Variants in XPR1 observed in about 807,000 individuals in gnomAD.
The protein encoded by XPR1 is xenotropic and polytropic retrovirus receptor 1, also known as solute carrier family 53 member 1.
A neutral mutation model predicts 87.5 loss-of-function variants in XPR1; 28 were observed. The observed-to-expected ratio is 0.32, with a 90% confidence interval of 0.24 to 0.44. The LOEUF is 0.44. XPR1 is among the 20% of genes least tolerant of loss of function. The pLI is 1.00. For missense variants in XPR1, 559 were observed against 862.3 expected, an observed-to-expected ratio of 0.65 and a Z score of 4.41; for synonymous variants, 300 against 306.1, an observed-to-expected ratio of 0.98 and a Z score of 0.21.
chr1:180,730,704 C>A (rs1658528117), intron 2 of XPR1, among the ~76,000 whole-genome samples: 1 of 152,128 alleles, frequency 6.6e-6, no homozygotes, highest in Non-Finnish European at 1.5e-5. Context: ...CACTCCGTTG[C>A]TTAGGCTGGA....
chr1:180,648,800 G>A (rs946043967), intron 1 of XPR1, among the ~76,000 whole-genome samples: 2 of 152,068 alleles, frequency 1.3e-5, no homozygotes, highest in South Asian at 2.1e-4. Flanking sequence ...AAGCCACTGC[G>A]CCCAGCCAGA....
At chr1:180,769,366 T>A (rs1032153197) in intron 2 of XPR1, among the ~76,000 whole-genome samples, 1 of 150,978 alleles carries the variant, frequency 6.6e-6, no homozygotes, top group Non-Finnish European at 1.5e-5. Flanking sequence ...ATTTCTGTTT[T>A]TTTGTGTTTT....
intron 1 of XPR1, among the ~76,000 whole-genome samples, chr1:180,652,525 T>C (rs181995488): frequency 6.6e-6 from 1 of 152,382 alleles, no homozygotes; most frequent in East Asian, 1.9e-4. Flanking sequence ...CCATGTGACT[T>C]TCCAAGAGCA....
chr1:180,636,402 C>G (rs1654759788), intron 1 of XPR1, among the ~76,000 whole-genome samples: 1 of 152,154 alleles, frequency 6.6e-6, no homozygotes, highest in African/African-American at 2.4e-5. Flanking sequence ...TTGGCATTTA[C>G]AAATGTTTCT....
chr1:180,659,381 GTCCTTCCTTCCTTCCTTCCT>G (rs1169616821), intron 1 of XPR1, among the ~76,000 whole-genome samples: 1,868 of 55,382 alleles, frequency 0.034, 83 homozygotes, highest in African/African-American at 0.1. Flanking sequence ...CCGTCCTTCC[GTCCTTCCTTCCTTCCTTCCT>G]TCCTTCCTTC....
chr1:180,734,891 A>G (rs1658678923), intron 2 of XPR1, among the ~76,000 whole-genome samples: 1 of 152,220 alleles, frequency 6.6e-6, no homozygotes, highest in Non-Finnish European at 1.5e-5. Flanking sequence ...AAAAGGGACC[A>G]TTGCCTTAGC....
chr1:180,836,387 A>G (rs1436211887), intron 10 of XPR1, 135 bp from the exon 11 acceptor site: 2 of 898,292 alleles, frequency 2.2e-6, no homozygotes, highest in Middle Eastern at 3.2e-4. Context: ...TGAGAATATA[A>G]TAGTTGCAAA....
intron 2 of XPR1, among the ~76,000 whole-genome samples, chr1:180,710,789 C>A (rs963227973): frequency 3.7e-5 from 5 of 136,520 alleles, no homozygotes; most frequent in Non-Finnish European, 7.8e-5. Context: ...GGCAGAGGCG[C>A]CCCCCCACCT....
chr1:180,726,359 T>C (rs1316241726), intron 2 of XPR1, among the ~76,000 whole-genome samples: 2 of 152,166 alleles, frequency 1.3e-5, no homozygotes, highest in Admixed American at 6.5e-5. Context: ...GTTCTTTCTC[T>C]CTTCACAATA....
At chr1:180,813,145 T>G (rs1411413051) in intron 7 of XPR1, among the ~76,000 whole-genome samples, 10 of 151,498 alleles carry the variant, frequency 6.6e-5, no homozygotes, top group Admixed American at 5.9e-4. Context: ...CTGCAAGAAC[T>G]TACAGGATCT....
Position 180,655,823 on chromosome 1 carries a change from T to G in XPR1, c.69+23553T>G, listed in dbSNP as rs1655442402. On this transcript the variant is annotated intron_variant, in intron 1 of 14. Coordinates refer to ENST00000367590, the MANE Select transcript of XPR1 (RefSeq NM_004736.4). The stretch of plus-strand genomic sequence containing the variant: ...CTGAGTACCATCTTTTTTTAATTTT[T>G]AATTTTTGTGGATGCATAGTAGGTG... Among the ~76,000 whole-genome samples the G allele has an allele frequency of 3.9e-5, 6 of 152,218 alleles. No homozygotes were observed. In the South Asian group the frequency reaches 8.3e-4, roughly 21 times the overall value.
chr1:180,849,149 T>C (rs1651784593), intron 11 of XPR1, among the ~76,000 whole-genome samples: 1 of 152,198 alleles, frequency 6.6e-6, no homozygotes, highest in Non-Finnish European at 1.5e-5. Flanking sequence ...TAAGGCCCCT[T>C]TAGCTCTTTA....
Position 180,887,058 on chromosome 1 carries a change from G to C in XPR1, c.*2992G>C, listed in dbSNP as rs1045781355. 5 of 152,316 alleles carry C rather than the reference G, an allele frequency of 3.3e-5. No homozygotes were observed. Among genetic ancestry groups the C allele is most frequent in the Admixed American group, 2.0e-4 (3 of 15,274 alleles). 9.4% of individuals were successfully genotyped at this position (152,316 alleles called of 1,614,324 possible). ...GTGGTGGCGCATGCCTGTAATCCCA[G>C]CTACTCAGGAGACTGAGGCAGGAGA... On this transcript the variant is annotated 3_prime_UTR_variant, in exon 15 of 15. Coordinates refer to ENST00000367590, the MANE Select transcript of XPR1 (RefSeq NM_004736.4).
intron 2 of XPR1, among the ~76,000 whole-genome samples, chr1:180,765,940 C>A (rs1339493607): frequency 6.6e-6 from 1 of 151,674 alleles, no homozygotes; most frequent in Admixed American, 6.6e-5. Flanking sequence ...AGAAGACAGT[C>A]AGTTCTTTGG....
rs570250252 is a variant in XPR1 at position 180,838,607 on chromosome 1, C to T, written c.1501+1891C>T. 2.6e-5 allele frequency among the ~76,000 whole-genome samples: 4 copies of T among 152,166 alleles called. No homozygotes were observed. The East Asian group carries it at 7.7e-4, about 29-fold the overall frequency. ...GAAAGAATTTTATAAACCGTATTAC[C>T]TTTCGGACATTTTTAAGTTTACAAC... is the stretch of plus-strand genomic sequence containing the variant. On this transcript the variant is annotated intron_variant, in intron 11 of 14. Coordinates refer to ENST00000367590, the MANE Select transcript of XPR1 (RefSeq NM_004736.4).
intron 7 of XPR1, among the ~76,000 whole-genome samples, chr1:180,819,985 ACT>A: frequency 6.6e-6 from 1 of 151,394 alleles, no homozygotes; most frequent in East Asian, 1.9e-4. Flanking sequence ...ATGCCATTGC[ACT>A]CCAGCCTGGG....
intron 4 of XPR1, among the ~76,000 whole-genome samples, chr1:180,805,476 C>T (rs1388191011): frequency 6.6e-6 from 1 of 152,106 alleles, no homozygotes; most frequent in Non-Finnish European, 1.5e-5. Context: ...TGATCACTTC[C>T]TCCTTTCTAC....
intron 2 of XPR1, among the ~76,000 whole-genome samples, chr1:180,703,651 T>C (rs933480381): frequency 2.6e-5 from 4 of 152,116 alleles, no homozygotes; most frequent in Non-Finnish European, 5.9e-5. Flanking sequence ...GGCCCCTAAT[T>C]GTTTTATGTG....
intron 12 of XPR1, among the ~76,000 whole-genome samples, chr1:180,866,407 A>G (rs947705314): frequency 1.3e-5 from 2 of 152,196 alleles, no homozygotes; most frequent in African/African-American, 4.8e-5. Flanking sequence ...TAAGCACCAC[A>G]TCCCAGGTCC....
Sources: allele counts gnomAD v4.1 joint callset (sites outside exome capture counted in the v4.1 genomes callset), GRCh38; gene constraint gnomAD v4.1.1; transcripts MANE v1.5; gene names NCBI Gene and HGNC (gene_info 2026-07-23, HGNC 2026-07-21).